SLC22A14: variants seen among roughly 807,000 people sequenced by gnomAD.
SLC22A14 encodes the protein solute carrier family 22 member 14, also known as organic cation transporter-like 4.
A neutral mutation model predicts 53.9 loss-of-function variants in SLC22A14; 50 were observed. That is an observed-to-expected ratio of 0.93 (90% CI 0.74 to 1.17). The LOEUF (loss-of-function observed/expected upper bound fraction) is 1.17, where lower values mean the gene tolerates loss of function less well. Ranked by LOEUF, SLC22A14 falls within the 50% of genes most tolerant of loss-of-function variation. SLC22A14 has a pLI of 0.00. For synonymous variants in SLC22A14, 312 were observed against 303.0 expected (o/e 1.03, Z -0.31); for missense variants, 671 against 734.7 (o/e 0.91, Z 1.00).
At chr3:38,316,643 A>G in intron 10 of SLC22A14, 119 bp downstream of exon 10, 1 of 883,172 alleles carries the variant, frequency 1.1e-6, no homozygotes, top group Middle Eastern at 2.7e-4. Flanking sequence ...TGTGACTCGA[A>G]GGCTGCCATG....
In SLC22A14 at chr3:38,307,145, C is replaced by A. The variant is rs1435663894; in HGVS notation, c.517-109C>A. The A allele has an allele frequency of 2.5e-6, 2 of 784,628 alleles. No homozygotes were observed. The highest frequency in any genetic ancestry group is 2.5e-5 in the East Asian group (1 of 40,720). The allele number at this position is 784,628 out of a possible 1,614,324, so 48.6% of individuals were successfully genotyped here. On this transcript the variant is annotated intron_variant, in intron 2 of 10. Transcript: ENST00000448498. This position sits in a 1 kb window ranked among gnomAD's most constrained non-coding sequence, Gnocchi z 4.4. The stretch of plus-strand genomic sequence containing the variant: ...GCTGAGGCACGCTGCACACTGTTAA[C>A]TGCCCCTACCCCAGGTCCCCTTGGC...
In SLC22A14 at chr3:38,318,542, A is replaced by G. The variant is rs1704683092; in HGVS notation, c.*293A>G. 1 of 362,898 alleles carries G rather than the reference A, an allele frequency of 2.8e-6. No individual in the cohort carries two copies. The highest frequency in any genetic ancestry group is 4.8e-5 in the East Asian group (1 of 20,708). 22.5% of individuals were successfully genotyped at this position (362,898 alleles called of 1,614,324 possible). A position where few individuals can be genotyped will look rare whatever the true frequency, so the allele number is the denominator to read the frequency against. ...CTCCTTCTGCAGGAGCTCTGCTGTG[A>G]TTCATTCCAATAAAGGTACAATGTT... On this transcript the variant is annotated 3_prime_UTR_variant, in exon 11 of 11. Transcript: ENST00000448498.
chr3:38,301,113 C>T (rs1704150675), intron 1 of SLC22A14, among the ~76,000 whole-genome samples: 1 of 152,156 alleles, frequency 6.6e-6, no homozygotes, highest in African/African-American at 2.4e-5. Flanking sequence ...GCCACTGCAC[C>T]TGGCCTCAAA....
chr3:38,314,507 G>A (rs1704569916), intron 8 of SLC22A14, among the ~76,000 whole-genome samples: 1 of 152,220 alleles, frequency 6.6e-6, no homozygotes, highest in Non-Finnish European at 1.5e-5. Context: ...GGAAGGGCTG[G>A]TGTTATCTTC....
At chr3:38,316,053 G>A (rs1559555563) in intron 9 of SLC22A14, among the ~76,000 whole-genome samples, 2 of 152,212 alleles carry the variant, frequency 1.3e-5, no homozygotes, top group Non-Finnish European at 2.9e-5. Context: ...CTTCCCTGAG[G>A]TTGGCGATGG....
chr3:38,282,530 G>A lies in SLC22A14; in HGVS notation c.-1+191G>A, dbSNP rs1207437675. ...GGAGCGGGCTGCCCTCCCAGAAAGC[G>A]TGAGTTCTCAGGTGTGGCGTCTGGC... On this transcript the variant is annotated intron_variant, in intron 1 of 10. Coordinates refer to ENST00000448498, the MANE Select transcript of SLC22A14 (RefSeq NM_001320033.2). Among the ~76,000 whole-genome samples, 7 of 152,308 alleles carry A rather than the reference G, an allele frequency of 4.6e-5. No individual in the cohort carries two copies. In the East Asian group the frequency reaches 7.7e-4, roughly 17 times the overall value.
At chr3:38,291,289 G>A (rs1050055167) in intron 1 of SLC22A14, among the ~76,000 whole-genome samples, 1 of 152,154 alleles carries the variant, frequency 6.6e-6, no homozygotes, top group African/African-American at 2.4e-5. Flanking sequence ...CCTCTAGAAG[G>A]TCCCCTTGAG....
At chr3:38,290,446 TAAC>T (rs1703888365) in intron 1 of SLC22A14, among the ~76,000 whole-genome samples, 1 of 152,204 alleles carries the variant, frequency 6.6e-6, no homozygotes. Context: ...GAGACAAACT[TAAC>T]AAAGAGGTTA....
intron 1 of SLC22A14, among the ~76,000 whole-genome samples, chr3:38,302,342 T>A (rs963085822): frequency 7.1e-6 from 1 of 140,134 alleles, no homozygotes; most frequent in African/African-American, 2.9e-5. Flanking sequence ...ATATATATAT[T>A]TATATTTTCT....
At position 38,313,907 on chromosome 3, in the gene SLC22A14, C is replaced by T. The variant is rs755885634; in HGVS notation, c.1344C>T (p.Ile448=). The change falls in exon 8 of 11, where the codon ATC becomes ATT. Residue 448 remains isoleucine (I), a synonymous_variant. Coordinates refer to ENST00000448498, the MANE Select transcript of SLC22A14 (RefSeq NM_001320033.2). ...WSLAVTLLQA[I]IWCLLLLFLP... The stretch of plus-strand genomic sequence containing the variant: ...TGGCTGTGACTCTCCTCCAAGCCAT[C>T]ATCTGGTGCTTGCTTCTCCTTTTCC... The T allele has an allele frequency of 8.1e-6, 13 of 1,613,962 alleles. No individual in the cohort carries two copies. The highest frequency in any genetic ancestry group is 1.1e-5 in the Non-Finnish European group (13 of 1,179,978).
chr3:38,281,823 C>A (rs528160591), upstream of SLC22A14, among the ~76,000 whole-genome samples: 12 of 152,324 alleles, frequency 7.9e-5, no homozygotes, highest in East Asian at 2.1e-3. Flanking sequence ...TTTTCCTGTC[C>A]TGCCACTTTG....
At chr3:38,313,688 G>GCGCGCGCGCGCGCT (rs752608776) in intron 7 of SLC22A14, 39 bp from the exon 8 acceptor site, 1 of 1,361,592 alleles carries the variant, frequency 7.3e-7, no homozygotes. Context: ...GTGTGTGTGC[G>GCGCGCGCGCGCGCT]CGCGTGTGCA....
At chr3:38,297,475 T>G (rs1351442117) in intron 1 of SLC22A14, among the ~76,000 whole-genome samples, 4 of 152,174 alleles carry the variant, frequency 2.6e-5, no homozygotes, top group Non-Finnish European at 5.9e-5. Flanking sequence ...ACTTTTATTT[T>G]AAGTTCAGGG....
chr3:38,302,590 A>G (rs1704195330), intron 1 of SLC22A14, among the ~76,000 whole-genome samples: 1 of 152,052 alleles, frequency 6.6e-6, no homozygotes, highest in African/African-American at 2.4e-5. Flanking sequence ...CTGGGAGGTC[A>G]AGGCTGCTGT....
intron 1 of SLC22A14, among the ~76,000 whole-genome samples, chr3:38,301,739 T>C (rs1028415945): frequency 1.4e-5 from 2 of 147,176 alleles, no homozygotes; most frequent in African/African-American, 5.0e-5. Flanking sequence ...TAATGTTTCC[T>C]TTTTAGGATT....
chr3:38,290,756 T>C (rs1455058080), intron 1 of SLC22A14, among the ~76,000 whole-genome samples: 1 of 152,236 alleles, frequency 6.6e-6, no homozygotes, highest in Non-Finnish European at 1.5e-5. Context: ...TGTTGAGTAC[T>C]GGGGCTTGGT....
At chr3:38,284,567 G>A (rs527755932) in intron 1 of SLC22A14, among the ~76,000 whole-genome samples, 4 of 152,326 alleles carry the variant, frequency 2.6e-5, no homozygotes, top group African/African-American at 9.6e-5. Context: ...TGGCAGAAAT[G>A]AGAGGAAGAA....
chr3:38,292,264 A>C (rs1406930585), intron 1 of SLC22A14, among the ~76,000 whole-genome samples: 3 of 152,224 alleles, frequency 2.0e-5, no homozygotes, highest in African/African-American at 7.2e-5. Flanking sequence ...GGGGTAAAAC[A>C]GTCCAGGTGA....
Position 38,307,701 on chromosome 3 carries a change from C to T in SLC22A14, c.756C>T (p.Ala252=). 1 of 1,614,164 alleles carries T rather than the reference C, an allele frequency of 6.2e-7. No individual in the cohort carries two copies. Among genetic ancestry groups the T allele is most frequent in the Non-Finnish European group, 8.5e-7 (1 of 1,180,028 alleles). Residue 252 remains alanine, a synonymous_variant, in exon 4 of 11, where the codon GCC becomes GCT. Coordinates refer to ENST00000448498, the MANE Select transcript of SLC22A14 (RefSeq NM_001320033.2). This position sits in a 1 kb window ranked among gnomAD's most constrained non-coding sequence, Gnocchi z 4.4. Reference sequence around the variant, plus strand: ...TCTCGCAGTCAGTGGTGGGCTACGCCATCAGCAGCATTTCTTTGGGTGAGA... The same window carrying T: ...TCTCGCAGTCAGTGGTGGGCTACGCTATCAGCAGCATTTCTTTGGGTGAGA... The part of the protein sequence containing the change: ...FGISQSVVGY[A]ISSISLATEW...
Sources: allele counts gnomAD v4.1 joint callset (sites outside exome capture counted in the v4.1 genomes callset), GRCh38; gene constraint gnomAD v4.1.1; non-coding constraint Gnocchi (gnomAD v3.1); transcripts MANE v1.5; gene names NCBI Gene and HGNC (gene_info 2026-07-23, HGNC 2026-07-21).